ERH: variants seen among roughly 807,000 people sequenced by gnomAD.
ERH encodes the protein ERH mRNA splicing and mitosis factor.
In ERH, 1 loss-of-function variant was observed where a neutral mutation model predicts 16.8. That is an observed-to-expected ratio of 0.06 (90% CI 0.02 to 0.28). The LOEUF (loss-of-function observed/expected upper bound fraction) is 0.28, where lower values mean the gene tolerates loss of function less well. Among genes scored for constraint, ERH ranks in the 10% least tolerant of loss-of-function variants. ERH has a pLI of 1.00. For synonymous variants in ERH, 43 were observed against 43.6 expected, an observed-to-expected ratio of 0.99 and a Z score of 0.05; for missense variants, 42 against 127.5, an observed-to-expected ratio of 0.33 and a Z score of 3.23.
rs765863657 is a variant in ERH, at chr14:69,398,272, G to T, written c.-39C>A. 3 of 1,613,066 alleles carry T rather than the reference G, an allele frequency of 1.9e-6. No homozygotes were observed. In the African/African-American group the frequency reaches 4.0e-5, roughly 22 times the overall value. On this transcript the variant is annotated 5_prime_UTR_variant, in exon 1 of 4. Transcript: ENST00000557016. ...CTTCGCTACAGCAGCTGCCGACACC[G>T]CCGCCGTTACACGAGCTTAACTACA...
intron 2 of ERH, among the ~76,000 whole-genome samples, chr14:69,388,726 A>C (rs980255628): frequency 6.6e-6 from 1 of 152,184 alleles, no homozygotes; most frequent in East Asian, 1.9e-4. Context: ...CCCGCTGTCA[A>C]CTATTTTAAG....
intron 2 of ERH, among the ~76,000 whole-genome samples, chr14:69,393,262 A>G (rs1002884141): frequency 1.3e-5 from 2 of 152,228 alleles, no homozygotes; most frequent in Non-Finnish European, 2.9e-5. Context: ...AGTTGCAGTG[A>G]GCTGAGATGC....
chr14:69,387,458 G>A (rs1156596311), intron 2 of ERH, among the ~76,000 whole-genome samples: 1 of 152,162 alleles, frequency 6.6e-6, no homozygotes, highest in Non-Finnish European at 1.5e-5. Context: ...TACCTGGGAA[G>A]CTGAGGTGGG....
At chr14:69,395,908 G>C (rs1344189708) in intron 1 of ERH, among the ~76,000 whole-genome samples, 4 of 152,180 alleles carry the variant, frequency 2.6e-5, no homozygotes, top group Non-Finnish European at 4.4e-5. Flanking sequence ...TCCACTTCGT[G>C]CTCACTGGGA....
At chr14:69,389,751 C>T (rs956372841) in intron 2 of ERH, among the ~76,000 whole-genome samples, 1 of 152,166 alleles carries the variant, frequency 6.6e-6, no homozygotes, top group Non-Finnish European at 1.5e-5. Flanking sequence ...GTACACCCTA[C>T]ACTATAAAAT....
At position 69,382,399 on chromosome 14, in the gene ERH, A is replaced by G. The variant is rs142579304; in HGVS notation, c.213-1759T>C. Among the ~76,000 whole-genome samples, 235 of 152,370 alleles carry G rather than the reference A, an allele frequency of 1.5e-3. 1 individual carries two copies. The highest frequency in any genetic ancestry group is 0.011 in the East Asian group (58 of 5,192). On this transcript the variant is annotated intron_variant, in intron 3 of 3. Coordinates refer to ENST00000557016, the MANE Select transcript of ERH (RefSeq NM_004450.3). ...ATAACATTTATATTAACACTGGAAA[A>G]TAACTTAAAAAGGAACAAAATTTCT...
At chr14:69,396,201 A>G (rs1225274409) in intron 1 of ERH, among the ~76,000 whole-genome samples, 1 of 152,184 alleles carries the variant, frequency 6.6e-6, no homozygotes, top group Non-Finnish European at 1.5e-5. Flanking sequence ...CTGTACTAGT[A>G]TTTTTCAGCC....
rs564779073 is a variant in ERH at position 69,392,802 on chromosome 14, C to T, written c.91+2023G>A. Among the ~76,000 whole-genome samples, 16 of 152,172 alleles carry T rather than the reference C, an allele frequency of 1.1e-4. No individual in the cohort carries two copies. The East Asian group carries it at 2.9e-3, about 28-fold the overall frequency. On this transcript the variant is annotated intron_variant, in intron 2 of 3. Transcript: ENST00000557016. ...TAGGGGTGAAGAAAGAGAGTAATAT[C>T]GGAAAAACTGTAGTTTCTGTTCAAT...
chr14:69,383,271 T>C (rs2045873314), intron 3 of ERH, among the ~76,000 whole-genome samples: 1 of 152,250 alleles, frequency 6.6e-6, no homozygotes, highest in East Asian at 1.9e-4. Flanking sequence ...GCTCTGGGTT[T>C]AGTCATGTTA....
At chr14:69,390,162 A>C (rs1476989238) in intron 2 of ERH, among the ~76,000 whole-genome samples, 1 of 150,874 alleles carries the variant, frequency 6.6e-6, no homozygotes, top group African/African-American at 2.4e-5. Context: ...TACGGATTCA[A>C]CGCAATTCCC....
chr14:69,388,141 C>G (rs2045903691), intron 2 of ERH, among the ~76,000 whole-genome samples: 1 of 152,150 alleles, frequency 6.6e-6, no homozygotes, highest in African/African-American at 2.4e-5. Flanking sequence ...GACGCCATTC[C>G]CTGAACCACA....
intron 2 of ERH, 62 bp downstream of exon 2, chr14:69,394,763 A>C: frequency 3.2e-6 from 4 of 1,246,696 alleles, no homozygotes; most frequent in Non-Finnish European, 4.6e-6. Flanking sequence ...AAAAATTTGG[A>C]GGGGAAAAAC....
At chr14:69,394,215 G>T (rs992999395) in intron 2 of ERH, among the ~76,000 whole-genome samples, 2 of 151,752 alleles carry the variant, frequency 1.3e-5, no homozygotes, top group Admixed American at 6.6e-5. Context: ...AAAATAACAT[G>T]TGACAAATAA....
At chr14:69,392,740 A>G (rs1566901073) in intron 2 of ERH, among the ~76,000 whole-genome samples, 1 of 152,228 alleles carries the variant, frequency 6.6e-6, no homozygotes, top group Non-Finnish European at 1.5e-5. Flanking sequence ...CAAATGCACC[A>G]CACCAGTGAA....
intron 1 of ERH, among the ~76,000 whole-genome samples, chr14:69,396,512 C>T (rs1426330450): frequency 2.0e-5 from 3 of 152,240 alleles, no homozygotes; most frequent in East Asian, 1.9e-4. Context: ...CTGCCTGCCT[C>T]GGCCTCCCAA....
At chr14:69,396,552 C>T (rs1416902147) in intron 1 of ERH, among the ~76,000 whole-genome samples, 6 of 152,178 alleles carry the variant, frequency 3.9e-5, no homozygotes, top group Admixed American at 6.5e-5. Context: ...TGAGCCACCG[C>T]GCCTGGACAA....
chr14:69,389,947 A>C (rs1375708626), intron 2 of ERH, among the ~76,000 whole-genome samples: 1 of 152,054 alleles, frequency 6.6e-6, no homozygotes, highest in Non-Finnish European at 1.5e-5. Context: ...TTTGGAGAGC[A>C]GGGGTTTCAT....
chr14:69,390,702 C>G (rs2045919178), intron 2 of ERH, among the ~76,000 whole-genome samples: 1 of 152,194 alleles, frequency 6.6e-6, no homozygotes, highest in East Asian at 1.9e-4. Context: ...CTTTTGTGCT[C>G]CAAAAGACAC....
intron 2 of ERH, among the ~76,000 whole-genome samples, chr14:69,387,914 C>T (rs2045901990): frequency 6.6e-6 from 1 of 152,102 alleles, no homozygotes; most frequent in Admixed American, 6.6e-5. Context: ...GGCATGGTGG[C>T]AGGCACCTGT....
Sources: allele counts gnomAD v4.1 joint callset (sites outside exome capture counted in the v4.1 genomes callset), GRCh38; gene constraint gnomAD v4.1.1; transcripts MANE v1.5; gene names NCBI Gene and HGNC (gene_info 2026-07-23, HGNC 2026-07-21).